The following NFASC variants were observed in gnomAD, a reference collection of about 807,000 sequenced individuals.
NFASC encodes the protein neurofascin.
A neutral mutation model predicts 147.5 loss-of-function variants in NFASC; 43 were observed. That is an observed-to-expected ratio of 0.29 (90% CI 0.23 to 0.38). NFASC has a LOEUF of 0.38. Ranked by LOEUF, NFASC falls within the 10% of genes least tolerant of loss-of-function variation. The pLI is 1.00. For synonymous variants in NFASC, 622 were observed against 665.5 expected, an observed-to-expected ratio of 0.93 and a Z score of 1.01; for missense variants, 1,320 against 1,689.0, an observed-to-expected ratio of 0.78 and a Z score of 3.83.
intron 3 of NFASC, chr1:204,944,621 AGGGCTGTGGCT>A: frequency 1.8e-6 from 1 of 545,812 alleles, no homozygotes; most frequent in Non-Finnish European, 3.2e-6. Context: ...CCAGTTTCTC[AGGGCTGTGGCT>A]GAGCTGATGC....
At position 204,968,387 on chromosome 1, in the gene NFASC, T is replaced by A. The variant is rs751197002; in HGVS notation, c.818+27T>A. The A allele has an allele frequency of 2.6e-6, 4 of 1,545,612 alleles. No individual in the cohort carries two copies. Among genetic ancestry groups the A allele is most frequent in the Non-Finnish European group, 3.6e-6 (4 of 1,117,782 alleles). On this transcript the variant is annotated intron_variant, in intron 9 of 29. Transcript: ENST00000339876. The surrounding 1 kb of genome is among the most constrained non-coding windows in gnomAD (Gnocchi z 5.4). The stretch of plus-strand genomic sequence containing the variant: ...TATGTGCGGTTTGCAGCCCCTCTTC[T>A]AGCCACCCTCCAGGAGGATGGGGAT...
intron 25 of NFASC, chr1:204,998,808 TCTTG>T (rs2095907710): frequency 6.6e-6 from 1 of 152,202 alleles, no homozygotes; most frequent in African/African-American, 2.4e-5. Context: ...AGGAAGTGGC[TCTTG>T]CTTCCCCAGC....
chr1:204,968,653 T>C lies in NFASC; in HGVS notation c.819-145T>C. On this transcript the variant is annotated intron_variant, in intron 9 of 29. Coordinates refer to ENST00000339876, the MANE Select transcript of NFASC (RefSeq NM_001005388.3). This position sits in a 1 kb window ranked among gnomAD's most constrained non-coding sequence, Gnocchi z 5.4. ...CTCTCTGTGGCTGAGCATCCTCCTC[T>C]GCACAGGAAAGATCAGCTTTTAGAG... The C allele has an allele frequency of 2.8e-6, 2 of 725,704 alleles. No individual in the cohort carries two copies. Among genetic ancestry groups the C allele is most frequent in the East Asian group, 5.4e-5 (2 of 36,914 alleles). The allele number at this position is 725,704 out of a possible 1,614,324, so 45.0% of individuals were successfully genotyped here.
In NFASC at chr1:204,858,978, C is replaced by CTTTTTTT. The variant is rs56763796; in HGVS notation, c.-200+30207_-200+30213dup. On this transcript the variant is annotated intron_variant, in intron 1 of 29. Coordinates refer to ENST00000339876, the MANE Select transcript of NFASC (RefSeq NM_001005388.3). Reference sequence around the variant, plus strand: ...TCCGCTATTCAGTTGAATGCACTGACTTTTTTTTTTTTTTTTTGAGACAGA... The same window carrying CTTTTTTT: ...TCCGCTATTCAGTTGAATGCACTGACTTTTTTTTTTTTTTTTTTTTTTTTGAGACAGA... Among the ~76,000 whole-genome samples the CTTTTTTT allele has an allele frequency of 8.9e-4, 124 of 139,562 alleles. 4 individuals carry two copies. Among genetic ancestry groups the CTTTTTTT allele is most frequent in the South Asian group, 3.9e-3 (17 of 4,398 alleles). The allele number at this position is 139,562 out of a possible 152,430, so 91.6% of individuals were successfully genotyped here. A position where few individuals can be genotyped will look rare whatever the true frequency, so the allele number is the denominator to read the frequency against.
At chr1:204,952,746 T>G (rs1462548924) in intron 5 of NFASC, among the ~76,000 whole-genome samples, 2 of 152,208 alleles carry the variant, frequency 1.3e-5, no homozygotes, top group Non-Finnish European at 2.9e-5. Flanking sequence ...TGACAGACGT[T>G]ATTATCTGCC....
chr1:204,845,190 CT>C (rs1367394676), intron 1 of NFASC, among the ~76,000 whole-genome samples: 1 of 151,784 alleles, frequency 6.6e-6, no homozygotes, highest in African/African-American at 2.4e-5. Flanking sequence ...GGAGCTGGAA[CT>C]TAAAGTGGCG....
chr1:204,916,627 A>G (rs1003874828), intron 1 of NFASC, among the ~76,000 whole-genome samples: 1 of 152,188 alleles, frequency 6.6e-6, no homozygotes, highest in African/African-American at 2.4e-5. Flanking sequence ...TATATCAATG[A>G]GGGTATTGGA....
At chr1:204,957,521 A>T in intron 7 of NFASC, 135 bp from the exon 8 acceptor site, 2 of 709,222 alleles carry the variant, frequency 2.8e-6, no homozygotes, top group East Asian at 5.2e-5. Flanking sequence ...TTCAGAGTTG[A>T]GAGGATTAGA....
chr1:204,861,298 A>G (rs886409771), intron 1 of NFASC, among the ~76,000 whole-genome samples: 1 of 151,928 alleles, frequency 6.6e-6, no homozygotes, highest in Non-Finnish European at 1.5e-5. Context: ...CATGTTGCCC[A>G]GATTGGCCTG....
intron 11 of NFASC, among the ~76,000 whole-genome samples, chr1:204,971,467 A>G (rs1255916363): frequency 2.6e-5 from 4 of 152,210 alleles, no homozygotes; most frequent in Non-Finnish European, 5.9e-5. Context: ...TATCAACCAA[A>G]TGGGGAAAAA....
intron 21 of NFASC, chr1:204,984,384 T>TATATATATATATATATATATATATACGC (rs2095570264): frequency 2.5e-4 from 9 of 36,256 alleles, no homozygotes; most frequent in African/African-American, 7.7e-4. Flanking sequence ...TATATACGCA[T>TATATATATATATATATATATATATACGC]ATATATATAT....
At position 204,828,728 on chromosome 1, in the gene NFASC, C is replaced by T. The variant is rs1671313452; in HGVS notation, c.-254C>T. Reference sequence around the variant, plus strand: ...GCAGGGGACGCGGGGGAAGTGGCGGCGCCGGCAGCGGACAGCTCGGACAGC... The same window carrying T: ...GCAGGGGACGCGGGGGAAGTGGCGGTGCCGGCAGCGGACAGCTCGGACAGC... On this transcript the variant is annotated 5_prime_UTR_variant, in exon 1 of 30. Coordinates refer to ENST00000339876, the MANE Select transcript of NFASC (RefSeq NM_001005388.3). 8.1e-6 allele frequency: 8 copies of T among 985,844 alleles called. No homozygotes were observed. The South Asian group carries it at 3.8e-4, about 46-fold the overall frequency. 61.1% of individuals were successfully genotyped at this position (985,844 alleles called of 1,614,324 possible). A position where few individuals can be genotyped will look rare whatever the true frequency, so the allele number is the denominator to read the frequency against.
At chr1:204,845,821 G>T (rs1022236873) in intron 1 of NFASC, among the ~76,000 whole-genome samples, 9 of 152,192 alleles carry the variant, frequency 5.9e-5, no homozygotes, top group African/African-American at 2.2e-4. Flanking sequence ...AGGATCGCTT[G>T]AGCCCAGAAG....
chr1:204,906,388 C>G (rs529796339), intron 1 of NFASC, among the ~76,000 whole-genome samples: 16 of 152,298 alleles, frequency 1.1e-4, no homozygotes, highest in Admixed American at 5.2e-4. Flanking sequence ...AATCCCAACT[C>G]TGGATAACCA....
At chr1:204,878,929 G>A (rs2079564172) in intron 1 of NFASC, among the ~76,000 whole-genome samples, 1 of 152,228 alleles carries the variant, frequency 6.6e-6, no homozygotes, top group African/African-American at 2.4e-5. Context: ...CAGAACTGGT[G>A]GGGTGGGTTG....
intron 2 of NFASC, among the ~76,000 whole-genome samples, chr1:204,943,229 G>A (rs941588718): frequency 2.0e-5 from 3 of 152,190 alleles, no homozygotes; most frequent in African/African-American, 7.2e-5. Context: ...TTTTTAAAGT[G>A]TATGTTTCAG....
intron 25 of NFASC, chr1:204,998,923 T>C (rs544990843): frequency 6.6e-6 from 1 of 152,404 alleles, no homozygotes; most frequent in South Asian, 2.1e-4. Context: ...GCAGAGGACC[T>C]GGCCATGGCC....
At chr1:204,939,681 G>A (rs2093212757) in intron 2 of NFASC, among the ~76,000 whole-genome samples, 1 of 152,258 alleles carries the variant, frequency 6.6e-6, no homozygotes, top group African/African-American at 2.4e-5. Context: ...AGAGGAACCC[G>A]AGAGGTGGCA....
rs2096223632 is a variant in NFASC, at chr1:205,010,070, A to G, written c.3421+382A>G. Reference sequence around the variant, plus strand: ...AGAAAGGAAGAGAGGCATTTTCCCTAACCGTGTCCCAGAGAATGGGGAGAG... The same window carrying G: ...AGAAAGGAAGAGAGGCATTTTCCCTGACCGTGTCCCAGAGAATGGGGAGAG... On this transcript the variant is annotated intron_variant, in intron 28 of 29. Coordinates refer to ENST00000339876, the MANE Select transcript of NFASC (RefSeq NM_001005388.3). This position sits in a 1 kb window ranked among gnomAD's most constrained non-coding sequence, Gnocchi z 4.1. The G allele has an allele frequency of 4.5e-6, 1 of 223,478 alleles. No homozygotes were observed. Among genetic ancestry groups the G allele is most frequent in the African/African-American group, 2.2e-5 (1 of 44,534 alleles). 13.8% of individuals were successfully genotyped at this position (223,478 alleles called of 1,614,324 possible).
Sources: allele counts gnomAD v4.1 joint callset (sites outside exome capture counted in the v4.1 genomes callset), GRCh38; gene constraint gnomAD v4.1.1; non-coding constraint Gnocchi (gnomAD v3.1); transcripts MANE v1.5; gene names NCBI Gene and HGNC (gene_info 2026-07-23, HGNC 2026-07-21).